ABLIM1: variants seen among roughly 807,000 people sequenced by gnomAD.
ABLIM1 encodes actin binding LIM protein 1, also known as actin-binding LIM protein 1.
Under a neutral mutation model 107.0 loss-of-function variants are expected in ABLIM1, and 40 were observed. The ratio of observed to expected loss-of-function variants is 0.37; its 90% CI spans 0.29 to 0.49. The LOEUF is 0.49. Among genes scored for constraint, ABLIM1 ranks in the 20% least tolerant of loss-of-function variants. ABLIM1 has a pLI of 0.97. For missense variants in ABLIM1, 857 were observed against 1,008.5 expected, an observed-to-expected ratio of 0.85 and a Z score of 2.04; for synonymous variants, 357 against 357.3, an observed-to-expected ratio of 1.00 and a Z score of 0.01.
At chr10:114,658,350 T>C, upstream of ABLIM1, 2 of 1,415,174 alleles carry the variant, frequency 1.4e-6, no homozygotes, top group Non-Finnish European at 1.8e-6. Flanking sequence ...TTTAAGTGAT[T>C]ACCCTCAAGA....
intron 2 of ABLIM1, among the ~76,000 whole-genome samples, chr10:114,592,665 C>G (rs879441924): frequency 1.3e-5 from 2 of 152,044 alleles, no homozygotes; most frequent in Non-Finnish European, 2.9e-5. Context: ...TGGCTTGGAC[C>G]AGGGTGCTTA....
In ABLIM1 at chr10:114,497,601, G is replaced by A. The variant is rs528855277; in HGVS notation, c.895-5723C>T. Among the ~76,000 whole-genome samples, 6 of 144,208 alleles carry A rather than the reference G, an allele frequency of 4.2e-5. No individual in the cohort carries two copies. The South Asian group carries it at 8.7e-4, about 21-fold the overall frequency. The allele number at this position is 144,208 out of a possible 152,430, so 94.6% of individuals were successfully genotyped here. A position where few individuals can be genotyped will look rare whatever the true frequency, so the allele number is the denominator to read the frequency against. On this transcript the variant is annotated intron_variant, in intron 6 of 22. Transcript: ENST00000533213. ...GGAGGCTGAGGCAGGAGAATGGCGC[G>A]AACCCGGGAGGCGGAGCTTGCAGTA...
intron 1 of ABLIM1, among the ~76,000 whole-genome samples, chr10:114,716,766 A>G (rs1404022240): frequency 6.6e-6 from 1 of 151,144 alleles, no homozygotes; most frequent in Non-Finnish European, 1.5e-5. Flanking sequence ...TTCAATATTG[A>G]GTTCATGCTA....
At chr10:114,624,517 G>A (rs2077665361) in intron 1 of ABLIM1, among the ~76,000 whole-genome samples, 1 of 152,174 alleles carries the variant, frequency 6.6e-6, no homozygotes, top group Non-Finnish European at 1.5e-5. Context: ...AAGGCAAGAA[G>A]CAATACCACC....
At chr10:114,635,228 C>A (rs1366535430) in intron 1 of ABLIM1, among the ~76,000 whole-genome samples, 1 of 152,218 alleles carries the variant, frequency 6.6e-6, no homozygotes, top group Non-Finnish European at 1.5e-5. Flanking sequence ...CAAGGGTTGT[C>A]CACAAGTGAC....
At chr10:114,569,987 T>C (rs1431978665) in intron 4 of ABLIM1, among the ~76,000 whole-genome samples, 1 of 152,262 alleles carries the variant, frequency 6.6e-6, no homozygotes, top group East Asian at 1.9e-4. Context: ...TTCTTCTTTT[T>C]AACAAGTATA....
chr10:114,634,822 T>C (rs1004768535), intron 1 of ABLIM1, among the ~76,000 whole-genome samples: 7 of 152,220 alleles, frequency 4.6e-5, no homozygotes, highest in African/African-American at 1.7e-4. Flanking sequence ...GATAAAAGTA[T>C]CCACTCTGCA....
chr10:114,532,895 G>A (rs1319674558), intron 6 of ABLIM1, among the ~76,000 whole-genome samples: 3 of 152,118 alleles, frequency 2.0e-5, no homozygotes, highest in Non-Finnish European at 4.4e-5. Flanking sequence ...CCACTTGTCT[G>A]TTTCTCCACC....
rs1262515776 is a variant in ABLIM1 at position 114,464,269 on chromosome 10, T to G, written c.1441+1429A>C. Among the ~76,000 whole-genome samples, 3 of 151,282 alleles carry G rather than the reference T, an allele frequency of 2.0e-5. No individual in the cohort carries two copies. The East Asian group carries it at 5.9e-4, about 30-fold the overall frequency. On this transcript the variant is annotated intron_variant, in intron 12 of 22. Coordinates refer to ENST00000533213, the MANE Select transcript of ABLIM1 (RefSeq NM_002313.7). ...GGCGCCATCTTGGCTCACTGCAACC[T>G]TTGCCTCCCAGGTTCCAGCAATTCT...
At position 114,490,795 on chromosome 10, in the gene ABLIM1, T is replaced by C. The variant is rs2058809070; in HGVS notation, c.982+996A>G. Among the ~76,000 whole-genome samples, 4 of 151,044 alleles carry C rather than the reference T, an allele frequency of 2.6e-5. No individual in the cohort carries two copies. In the South Asian group the frequency reaches 8.4e-4, roughly 32 times the overall value. Reference sequence around the variant, plus strand: ...ATGATCATATATATATGGTCCTTTATATATATATGTATGCTTATTTTTTTT... The same window carrying C: ...ATGATCATATATATATGGTCCTTTACATATATATGTATGCTTATTTTTTTT... On this transcript the variant is annotated intron_variant, in intron 7 of 22. Transcript: ENST00000533213.
chr10:114,684,407 A>T, exon 1 of ABLIM1: 2 of 1,612,170 alleles, frequency 1.2e-6, no homozygotes, highest in Non-Finnish European at 1.7e-6. Context: ...GCACACAGAA[A>T]GGCTGCAACA....
At position 114,525,673 on chromosome 10, in the gene ABLIM1, T is replaced by C. The variant is rs118166106; in HGVS notation, c.894+19332A>G. Among the ~76,000 whole-genome samples the C allele has an allele frequency of 4.1e-3, 623 of 152,358 alleles. 3 individuals carry two copies. The highest frequency in any genetic ancestry group is 7.6e-3 in the Non-Finnish European group (516 of 68,040). ...TTTCACTTACTTGTCAGAACCTGTT[T>C]TGGTAATCTAAATAACTTCACATCC... On this transcript the variant is annotated intron_variant, in intron 6 of 22. Transcript: ENST00000533213.
chr10:114,587,350 T>C (rs1175147660), intron 2 of ABLIM1, among the ~76,000 whole-genome samples: 1 of 152,226 alleles, frequency 6.6e-6, no homozygotes, highest in Non-Finnish European at 1.5e-5. Flanking sequence ...CACTGCTAAG[T>C]GGTAACAGAC....
intron 10 of ABLIM1, among the ~76,000 whole-genome samples, chr10:114,470,006 C>T (rs1670278659): frequency 6.6e-6 from 1 of 152,174 alleles, no homozygotes; most frequent in African/African-American, 2.4e-5. Context: ...TAGGGGGTCT[C>T]AGCTGGGTGA....
chr10:114,783,030 C>T, the ABLIM1 span, among the ~76,000 whole-genome samples: 1 of 151,904 alleles, frequency 6.6e-6, no homozygotes, highest in African/African-American at 2.4e-5. Context: ...GCCTGTAATC[C>T]CAGAACTTTG....
rs2078032317 is a variant in ABLIM1 at position 114,629,523 on chromosome 10, T to C, written c.245-27562A>G. Reference sequence around the variant, plus strand: ...CTACAGTGGGGGAAACACTAACCTATGCACTGGAAAGTTAAAGATGGAGAC... The same window carrying C: ...CTACAGTGGGGGAAACACTAACCTACGCACTGGAAAGTTAAAGATGGAGAC... On this transcript the variant is annotated intron_variant, in intron 1 of 22. Coordinates refer to ENST00000533213, the MANE Select transcript of ABLIM1 (RefSeq NM_002313.7). This position sits in a 1 kb window ranked among gnomAD's most constrained non-coding sequence, Gnocchi z 4.0. Among the ~76,000 whole-genome samples the C allele has an allele frequency of 6.6e-6, 1 of 152,182 alleles. No individual in the cohort carries two copies. Among genetic ancestry groups the C allele is most frequent in the Non-Finnish European group, 1.5e-5 (1 of 68,032 alleles).
At chr10:114,511,673 T>C (rs2061898533) in intron 6 of ABLIM1, among the ~76,000 whole-genome samples, 1 of 152,006 alleles carries the variant, frequency 6.6e-6, no homozygotes, top group Non-Finnish European at 1.5e-5. Flanking sequence ...CCCCTTCTCA[T>C]GTCTTTCTAG....
intron 1 of ABLIM1, among the ~76,000 whole-genome samples, chr10:114,674,289 CA>C (rs58116385): frequency 0.2 from 16,743 of 84,552 alleles, 1,324 homozygotes; most frequent in East Asian, 0.6. Flanking sequence ...GACTCTGTCA[CA>C]AAAAAAAAAA....
chr10:114,588,568 C>T (rs2074461570), intron 2 of ABLIM1, among the ~76,000 whole-genome samples: 1 of 132,822 alleles, frequency 7.5e-6, no homozygotes, highest in African/African-American at 2.9e-5. Flanking sequence ...CATCTCAGCT[C>T]ACTGCAACCT....
Sources: allele counts gnomAD v4.1 joint callset (sites outside exome capture counted in the v4.1 genomes callset), GRCh38; gene constraint gnomAD v4.1.1; non-coding constraint Gnocchi (gnomAD v3.1); transcripts MANE v1.5; gene names NCBI Gene and HGNC (gene_info 2026-07-23, HGNC 2026-07-21).